The following CDH4 variants were observed in gnomAD, a reference collection of about 807,000 sequenced individuals.
CDH4 encodes the protein cadherin 4.
A neutral mutation model predicts 86.0 loss-of-function variants in CDH4; 33 were observed. The observed-to-expected ratio is 0.38, with a 90% CI of 0.29 to 0.51. The LOEUF (loss-of-function observed/expected upper bound fraction) is 0.51. Among genes scored for constraint, CDH4 ranks in the 20% least tolerant of loss-of-function variants. The pLI is 0.86. For synonymous variants in CDH4, 555 were observed against 549.4 expected (o/e 1.01, Z -0.14); for missense variants, 1,114 against 1,307.4 (o/e 0.85, Z 2.28).
At chr20:61,576,388 C>G (rs2086382763) in intron 2 of CDH4, among the ~76,000 whole-genome samples, 1 of 151,994 alleles carries the variant, frequency 6.6e-6, no homozygotes, top group Admixed American at 6.6e-5. Flanking sequence ...AGAAACCCAC[C>G]CAGGCTAATA....
intron 2 of CDH4, among the ~76,000 whole-genome samples, chr20:61,404,232 A>T (rs1346369750): frequency 6.6e-6 from 1 of 152,016 alleles, no homozygotes; most frequent in East Asian, 1.9e-4. Flanking sequence ...TAAGGACAAG[A>T]TGCTTCTGCA....
intron 2 of CDH4, among the ~76,000 whole-genome samples, chr20:61,710,731 G>A (rs1256958316): frequency 6.6e-6 from 1 of 152,220 alleles, no homozygotes; most frequent in Non-Finnish European, 1.5e-5. Flanking sequence ...GAGACAAGGT[G>A]AGCTGATGCT....
At chr20:61,313,460 C>T (rs1286094213) in intron 2 of CDH4, among the ~76,000 whole-genome samples, 4 of 152,206 alleles carry the variant, frequency 2.6e-5, no homozygotes, top group Non-Finnish European at 5.9e-5. Context: ...GCCCTTGGCA[C>T]GCTTTGTTTT....
intron 7 of CDH4, among the ~76,000 whole-genome samples, chr20:61,875,589 G>A (rs956264763): frequency 2.6e-5 from 4 of 152,190 alleles, no homozygotes; most frequent in East Asian, 1.9e-4. Context: ...TTACATAAAC[G>A]TTCTTAGAGT....
Position 61,354,939 on chromosome 20 carries a change from G to T in CDH4, c.169+100002G>T, listed in dbSNP as rs78461093. Among the ~76,000 whole-genome samples, 1,389 of 152,282 alleles carry T rather than the reference G, an allele frequency of 9.1e-3. 14 individuals carry two copies. The highest frequency in any genetic ancestry group is 0.032 in the African/African-American group (1,314 of 41,550). ...CACCTAAGAGCATCCTCTTAATTAGGCATCACCGGCCACATTTGGAATGGC... is the reference window on the plus strand; with the variant it reads ...CACCTAAGAGCATCCTCTTAATTAGTCATCACCGGCCACATTTGGAATGGC... On this transcript the variant is annotated intron_variant, in intron 2 of 15. Transcript: ENST00000614565.
rs111400559 is a variant in CDH4 at position 61,265,486 on chromosome 20, G to A, written c.169+10549G>A. On this transcript the variant is annotated intron_variant, in intron 2 of 15. Transcript: ENST00000614565. ...ATTCAATCTTACACAGACCTCAGTG[G>A]CTCCTTCATTCAGTCCTACACATAT... is the stretch of plus-strand genomic sequence containing the variant. 6.3e-3 allele frequency among the ~76,000 whole-genome samples: 957 copies of A among 152,094 alleles called. 7 individuals carry two copies. The highest frequency in any genetic ancestry group is 0.021 in the African/African-American group (891 of 41,464).
intron 2 of CDH4, among the ~76,000 whole-genome samples, chr20:61,422,145 C>T (rs1432837053): frequency 1.3e-5 from 2 of 152,090 alleles, no homozygotes; most frequent in Non-Finnish European, 2.9e-5. Context: ...AGACAAATCT[C>T]ACTGGGCACG....
chr20:61,706,189 G>A (rs76199891), intron 2 of CDH4, among the ~76,000 whole-genome samples: 3,683 of 152,262 alleles, frequency 0.024, 157 homozygotes, highest in African/African-American at 0.085. Flanking sequence ...TTCCAGCTGC[G>A]TTGCTCCCAG....
chr20:61,552,481 C>T (rs2086139939), intron 2 of CDH4, among the ~76,000 whole-genome samples: 2 of 152,186 alleles, frequency 1.3e-5, no homozygotes, highest in Admixed American at 1.3e-4. Flanking sequence ...GGGCGGATCA[C>T]CTGAGGTCAG....
chr20:61,894,823 TGTAAAC>T, intron 7 of CDH4, 81 bp from the exon 8 acceptor site: 1 of 1,439,808 alleles, frequency 6.9e-7, no homozygotes, highest in Non-Finnish European at 9.5e-7. Context: ...ACTCCGTTCC[TGTAAAC>T]GGATTTCTTT....
At chr20:61,870,238 G>C (rs1158005570) in intron 6 of CDH4, among the ~76,000 whole-genome samples, 3 of 152,144 alleles carry the variant, frequency 2.0e-5, no homozygotes, top group Admixed American at 2.0e-4. Context: ...TCCTGCACGT[G>C]GGCAGCAGGC....
At chr20:61,878,904 G>A (rs375507643) in intron 7 of CDH4, among the ~76,000 whole-genome samples, 153 of 152,382 alleles carry the variant, frequency 1.0e-3, no homozygotes, top group African/African-American at 3.6e-3. Flanking sequence ...CCAGGGCTCT[G>A]CTTTCAGTGT....
chr20:61,736,486 G>A (rs1193780749), intron 2 of CDH4, among the ~76,000 whole-genome samples: 1 of 152,144 alleles, frequency 6.6e-6, no homozygotes, highest in Non-Finnish European at 1.5e-5. Context: ...CTGATGTGAT[G>A]ACTTGGTTAA....
intron 2 of CDH4, among the ~76,000 whole-genome samples, chr20:61,626,754 C>T (rs2086833286): frequency 2.0e-5 from 3 of 152,172 alleles, no homozygotes. Context: ...CTTGTCACCT[C>T]CACCTATAGA....
chr20:61,713,542 C>T (rs370833513), intron 2 of CDH4, among the ~76,000 whole-genome samples: 12 of 152,346 alleles, frequency 7.9e-5, no homozygotes, highest in African/African-American at 1.7e-4. Flanking sequence ...GACGGAGAGC[C>T]GTCTCCTCTG....
chr20:61,331,906 C>T (rs889678170), intron 2 of CDH4, among the ~76,000 whole-genome samples: 9 of 152,142 alleles, frequency 5.9e-5, no homozygotes, highest in Non-Finnish European at 1.2e-4. Context: ...GTGTAAAAAG[C>T]GTGTGTTGAG....
chr20:61,518,052 C>T lies in CDH4; in HGVS notation c.170-225511C>T, dbSNP rs1026372920. On this transcript the variant is annotated intron_variant, in intron 2 of 15. Coordinates refer to ENST00000614565, the MANE Select transcript of CDH4 (RefSeq NM_001794.5). This position sits in a 1 kb window ranked among gnomAD's most constrained non-coding sequence, Gnocchi z 6.3. ...CCAGGTTACCTGATCCCTTTTCAGG[C>T]GCTATTTTCCCCATGCAGATAAGGC... Among the ~76,000 whole-genome samples the T allele has an allele frequency of 5.9e-5, 9 of 152,244 alleles. No individual in the cohort carries two copies. The East Asian group carries it at 7.8e-4, about 13-fold the overall frequency.
chr20:61,770,108 T>A (rs1389793959), intron 3 of CDH4, among the ~76,000 whole-genome samples: 3 of 152,152 alleles, frequency 2.0e-5, no homozygotes, highest in Non-Finnish European at 4.4e-5. Context: ...GCTAGGACTG[T>A]CCTGGAAGCT....
intron 2 of CDH4, among the ~76,000 whole-genome samples, chr20:61,669,454 C>T (rs1237786946): frequency 6.6e-6 from 1 of 152,212 alleles, no homozygotes; most frequent in Non-Finnish European, 1.5e-5. Context: ...ATTCTCACAT[C>T]ACTGGGAGCC....
Sources: allele counts gnomAD v4.1 joint callset (sites outside exome capture counted in the v4.1 genomes callset), GRCh38; gene constraint gnomAD v4.1.1; non-coding constraint Gnocchi (gnomAD v3.1); transcripts MANE v1.5; gene names NCBI Gene and HGNC (gene_info 2026-07-23, HGNC 2026-07-21).